Variants in LRSAM1 observed in about 807,000 individuals in gnomAD.
The protein encoded by LRSAM1 is leucine rich repeat and sterile alpha motif containing 1.
LRSAM1 carries 96 observed loss-of-function variants against 118.1 expected under a neutral mutation model. The ratio of observed to expected loss-of-function variants is 0.81; its 90% confidence interval spans 0.69 to 0.96. LRSAM1 has a LOEUF of 0.96. LRSAM1 is among the 40% of genes least tolerant of loss of function. The pLI is 0.00. For synonymous variants in LRSAM1, 322 were observed against 364.2 expected (o/e 0.88, Z 1.32); for missense variants, 804 against 915.5 (o/e 0.88, Z 1.57).
chr9:127,492,926 C>T lies in LRSAM1; in HGVS notation c.1599+29C>T, dbSNP rs1297129032. On this transcript the variant is annotated intron_variant, in intron 21 of 25. Transcript: ENST00000300417. ...TGTGTTTGGCTTCTGTGCTCAGCAT[C>T]ACACAGGCATTTGCTTTTCTTTAAC... The T allele has an allele frequency of 3.8e-6, 6 of 1,587,388 alleles. No homozygotes were observed. The East Asian group carries it at 1.3e-4, about 35-fold the overall frequency.
intron 10 of LRSAM1, among the ~76,000 whole-genome samples, chr9:127,472,940 C>T (rs970012029): frequency 6.6e-6 from 1 of 152,134 alleles, no homozygotes; most frequent in South Asian, 2.1e-4. Flanking sequence ...TGAGAGGGCA[C>T]GAGCGCCCTA....
chr9:127,487,887 C>T (rs1247560386), intron 18 of LRSAM1, 124 bp downstream of exon 18: 1 of 708,558 alleles, frequency 1.4e-6, no homozygotes, highest in Non-Finnish European at 2.3e-6. Context: ...GGTTTGTGAC[C>T]ATAGAGGTGT....
intron 18 of LRSAM1, among the ~76,000 whole-genome samples, 169 bp downstream of exon 18, chr9:127,487,932 G>C (rs1349898627): frequency 6.6e-6 from 1 of 152,038 alleles, no homozygotes; most frequent in East Asian, 1.9e-4. Flanking sequence ...GAGAGGCTGA[G>C]GGGGGGCCCG....
chr9:127,474,229 T>A (rs1225113294), intron 11 of LRSAM1, among the ~76,000 whole-genome samples: 1 of 151,234 alleles, frequency 6.6e-6, no homozygotes, highest in African/African-American at 2.4e-5. Context: ...CTGTCTGGAA[T>A]CTCCCCACTC....
intron 21 of LRSAM1, among the ~76,000 whole-genome samples, chr9:127,494,204 G>T (rs574563607): frequency 6.6e-6 from 1 of 152,238 alleles, no homozygotes; most frequent in African/African-American, 2.4e-5. Flanking sequence ...GCTGCAGCCC[G>T]GGAGGGCCAA....
intron 24 of LRSAM1, among the ~76,000 whole-genome samples, chr9:127,497,841 C>T (rs1022758329): frequency 2.6e-5 from 4 of 152,190 alleles, no homozygotes; most frequent in African/African-American, 7.2e-5. Flanking sequence ...TCTGGGAGCC[C>T]GGCACCTGCC....
At chr9:127,461,145 C>T (rs377514836) in intron 7 of LRSAM1, 28 bp from the exon 8 acceptor site, 577 of 1,584,084 alleles carry the variant, frequency 3.6e-4, no homozygotes, top group Non-Finnish European at 4.7e-4. Flanking sequence ...TAAGCCACTG[C>T]GCCTGGCTGC....
intron 11 of LRSAM1, among the ~76,000 whole-genome samples, chr9:127,475,022 C>T (rs1446106282): frequency 6.6e-6 from 1 of 151,708 alleles, no homozygotes. Context: ...CCGTTTTCCA[C>T]TGCTGCTGGG....
intron 10 of LRSAM1, among the ~76,000 whole-genome samples, chr9:127,472,849 A>G (rs1182461214): frequency 3.3e-5 from 5 of 152,048 alleles, no homozygotes; most frequent in Admixed American, 3.3e-4. Flanking sequence ...TCCCTGTTGG[A>G]AGGCATTTCC....
chr9:127,452,882 T>G (rs1287514990), intron 2 of LRSAM1, among the ~76,000 whole-genome samples: 1 of 152,200 alleles, frequency 6.6e-6, no homozygotes, highest in African/African-American at 2.4e-5. Context: ...ACAGACACTG[T>G]GCAGGCCCTG....
chr9:127,500,920 C>T, intron 24 of LRSAM1, 90 bp from the exon 25 acceptor site: 1 of 1,590,386 alleles, frequency 6.3e-7, no homozygotes, highest in Non-Finnish European at 8.6e-7. Flanking sequence ...AGCTCACTCA[C>T]CATGGGGATG....
intron 8 of LRSAM1, among the ~76,000 whole-genome samples, chr9:127,461,667 A>G (rs1368145659): frequency 4.6e-5 from 7 of 152,226 alleles, no homozygotes; most frequent in Non-Finnish European, 7.3e-5. Context: ...CAGTGGTGCC[A>G]TCCCCAGTTT....
At chr9:127,455,135 G>A (rs1834469121) in intron 4 of LRSAM1, 81 bp downstream of exon 4, 3 of 1,400,474 alleles carry the variant, frequency 2.1e-6, no homozygotes, top group Non-Finnish European at 3.0e-6. Flanking sequence ...AGACAGAGGT[G>A]GACTGGGGCT....
intron 7 of LRSAM1, 145 bp downstream of exon 7, chr9:127,459,216 G>GT (rs1231762152): frequency 6.9e-5 from 49 of 712,802 alleles, no homozygotes; most frequent in East Asian, 2.4e-4. Flanking sequence ...GGCCCTTTGG[G>GT]GTTTTTTTTT....
rs1836462591 is a variant in LRSAM1 at position 127,503,160 on chromosome 9, G to A, written c.*261G>A. Reference sequence around the variant, plus strand: ...CCGCTGCACCACCACCCGAGCCTGGGAGCCAGCGTCCCAGCCTAATCACGG... The same window carrying A: ...CCGCTGCACCACCACCCGAGCCTGGAAGCCAGCGTCCCAGCCTAATCACGG... On this transcript the variant is annotated 3_prime_UTR_variant, in exon 26 of 26. Coordinates refer to ENST00000300417, the MANE Select transcript of LRSAM1 (RefSeq NM_001005373.4). 5.7e-6 allele frequency: 3 copies of A among 527,078 alleles called. No homozygotes were observed. The highest frequency in any genetic ancestry group is 6.4e-5 in the Admixed American group (2 of 31,216). The allele number at this position is 527,078 out of a possible 1,614,324, so 32.7% of individuals were successfully genotyped here. A position where few individuals can be genotyped will look rare whatever the true frequency, so the allele number is the denominator to read the frequency against.
intron 20 of LRSAM1, among the ~76,000 whole-genome samples, chr9:127,492,436 C>T (rs1328653411): frequency 6.6e-6 from 1 of 152,224 alleles, no homozygotes; most frequent in East Asian, 1.9e-4. Flanking sequence ...CTCTGGTTTG[C>T]ACGCACCTCC....
intron 9 of LRSAM1, among the ~76,000 whole-genome samples, chr9:127,463,670 T>C (rs568857247): frequency 2.0e-5 from 3 of 152,284 alleles, no homozygotes; most frequent in East Asian, 3.9e-4. Context: ...TACAGCCACA[T>C]TCTGAGGGAT....
chr9:127,479,653 A>G, intron 13 of LRSAM1, 148 bp downstream of exon 13: 1 of 1,377,246 alleles, frequency 7.3e-7, no homozygotes, highest in Non-Finnish European at 1.0e-6. Flanking sequence ...GGGCCCTTAC[A>G]GATCACCCAG....
At chr9:127,501,283 A>G in intron 25 of LRSAM1, 140 bp downstream of exon 25, 1 of 1,156,946 alleles carries the variant, frequency 8.6e-7, no homozygotes, top group South Asian at 1.5e-5. Context: ...GGCAGGAAAT[A>G]AAGATGACCC....
Sources: allele counts gnomAD v4.1 joint callset (sites outside exome capture counted in the v4.1 genomes callset), GRCh38; gene constraint gnomAD v4.1.1; transcripts MANE v1.5; gene names NCBI Gene and HGNC (gene_info 2026-07-23, HGNC 2026-07-21).